CFAP57: variants seen among roughly 807,000 people sequenced by gnomAD.
The protein encoded by CFAP57 is cilia- and flagella-associated protein 57.
CFAP57 carries 116 observed loss-of-function variants against 146.8 expected under a neutral mutation model. The observed-to-expected ratio is 0.79, with a 90% confidence interval of 0.68 to 0.92. CFAP57 has a LOEUF of 0.92. Ranked by LOEUF, CFAP57 falls within the 40% of genes least tolerant of loss-of-function variation. The pLI, the probability that CFAP57 is intolerant of heterozygous loss-of-function variation, is 0.00. For synonymous variants in CFAP57, 518 were observed against 552.8 expected (o/e 0.94, Z 0.88); for missense variants, 1,377 against 1,527.2 (o/e 0.90, Z 1.64).
intron 18 of CFAP57, among the ~76,000 whole-genome samples, chr1:43,231,182 A>G (rs544708957): frequency 7.8e-4 from 119 of 152,302 alleles, no homozygotes; most frequent in Non-Finnish European, 1.3e-3. Flanking sequence ...TGTCTATACA[A>G]AATGCTTCCA....
intron 22 of CFAP57, among the ~76,000 whole-genome samples, chr1:43,247,297 C>CT (rs1366346984): frequency 6.6e-6 from 1 of 152,210 alleles, no homozygotes; most frequent in Non-Finnish European, 1.5e-5. Context: ...ACCCTGGAGA[C>CT]TACCATGTTA....
chr1:43,206,332 G>C, intron 9 of CFAP57: 1 of 200,470 alleles, frequency 5.0e-6, no homozygotes, highest in South Asian at 9.2e-5. Flanking sequence ...AGAAGGTCAA[G>C]TTGAGGTTCT....
intron 11 of CFAP57, among the ~76,000 whole-genome samples, chr1:43,213,729 C>CT (rs1252214744): frequency 6.6e-6 from 1 of 152,018 alleles, no homozygotes; most frequent in African/African-American, 2.4e-5. Flanking sequence ...TATTTGTTGT[C>CT]TTTTTGATAA....
intron 2 of CFAP57, among the ~76,000 whole-genome samples, chr1:43,174,539 C>T (rs1350139156): frequency 7.9e-5 from 12 of 152,160 alleles, no homozygotes; most frequent in Non-Finnish European, 1.5e-5. Context: ...GACATCTGGC[C>T]AGGTGTGGTG....
chr1:43,207,025 G>A (rs1178160367), intron 10 of CFAP57, 93 bp downstream of exon 10: 11 of 1,301,884 alleles, frequency 8.4e-6, no homozygotes, highest in Non-Finnish European at 1.2e-5. Context: ...CGGAATGAGG[G>A]CCTCTGCATA....
intron 1 of CFAP57, 116 bp downstream of exon 1, chr1:43,172,569 GGGGAAAGGGGA>G: frequency 1.3e-6 from 1 of 755,874 alleles, no homozygotes; most frequent in Non-Finnish European, 2.1e-6. Flanking sequence ...CCCCGGGGGA[GGGGAAAGGGGA>G]GGGACAAGGG....
In CFAP57 at chr1:43,172,726, C is replaced by T. The variant is rs771924931; in HGVS notation, c.-19-9C>T. On this transcript the variant is annotated splice_polypyrimidine_tract_variant and intron_variant, in intron 1 of 22. Transcript: ENST00000372492. ...CTCCACTCTGAAGCGCTGCCTTGGT[C>T]TTCAGCAGAACTGTTTGGCGGGAGA... 2 of 1,613,510 alleles carry T rather than the reference C, an allele frequency of 1.2e-6. No individual in the cohort carries two copies. The highest frequency in any genetic ancestry group is 1.1e-5 in the South Asian group (1 of 91,030).
At chr1:43,243,447 GT>G in intron 22 of CFAP57, 88 bp downstream of exon 22, 1 of 1,383,800 alleles carries the variant, frequency 7.2e-7, no homozygotes, top group South Asian at 1.6e-5. Flanking sequence ...GCTTCCTTCT[GT>G]ATCAGGTCCC....
At chr1:43,177,499 G>C (rs778576352) in intron 2 of CFAP57, among the ~76,000 whole-genome samples, 1 of 152,156 alleles carries the variant, frequency 6.6e-6, no homozygotes, top group Non-Finnish European at 1.5e-5. Context: ...CTGGATTTAA[G>C]GGAGGGAAGT....
At chr1:43,197,858 G>A (rs777875638) in intron 7 of CFAP57, among the ~76,000 whole-genome samples, 166 bp downstream of exon 7, 3 of 152,162 alleles carry the variant, frequency 2.0e-5, no homozygotes, top group Non-Finnish European at 2.9e-5. Context: ...TCACTCTTGC[G>A]TGGGCTAGAA....
intron 9 of CFAP57, among the ~76,000 whole-genome samples, chr1:43,202,435 C>T (rs1217705042): frequency 6.6e-6 from 1 of 152,006 alleles, no homozygotes; most frequent in East Asian, 1.9e-4. Context: ...ATACCAACAA[C>T]CAATATGAGG....
chr1:43,211,991 A>C (rs751166318), intron 11 of CFAP57, among the ~76,000 whole-genome samples: 4 of 152,240 alleles, frequency 2.6e-5, no homozygotes, highest in Non-Finnish European at 5.9e-5. Flanking sequence ...TGATTGTGAG[A>C]AGACATTTTT....
At position 43,227,033 on chromosome 1, in the gene CFAP57, C is replaced by T. The variant is rs771646560; in HGVS notation, c.2916C>T (p.Phe972=). ...AGAAAAATCAAGAACTAGGGAAATT[C>T]AAGTTTGTGCTTGACTACAAAATAA... ...LKKKNQELGK[F]KFVLDYKIKE... The change falls in exon 18 of 23, where the codon TTC becomes TTT. Residue 972 remains phenylalanine, a synonymous_variant. Coordinates refer to ENST00000372492, the MANE Select transcript of CFAP57 (RefSeq NM_001378189.1). The T allele has an allele frequency of 4.1e-5, 63 of 1,536,244 alleles. No individual in the cohort carries two copies. The highest frequency in any genetic ancestry group is 5.0e-5 in the Non-Finnish European group (57 of 1,141,680).
At position 43,185,328 on chromosome 1, in the gene CFAP57, A is replaced by G; in HGVS notation, c.941A>G (p.Asp314Gly). 6.2e-7 allele frequency: 1 copy of G among 1,613,990 alleles called. No individual in the cohort carries two copies. Among genetic ancestry groups the G allele is most frequent in the South Asian group, 1.1e-5 (1 of 91,068 alleles). ...VLLFEKMEEK[D>G]FYRESREIRI... ...CTGTTTGAGAAGATGGAAGAAAAGG[A>G]TTTTTACCGTGAGAGCAGAGAAATC... is the stretch of plus-strand genomic sequence containing the variant. Residue 314 changes from aspartate (D) to glycine (G), a missense_variant, in exon 5 of 23, where the codon GAT (aspartate) becomes GGT (glycine). By Grantham distance (94) the Asp-to-Gly change is moderately conservative. Transcript: ENST00000372492.
At chr1:43,204,412 T>G (rs1225308427) in intron 9 of CFAP57, among the ~76,000 whole-genome samples, 1 of 152,150 alleles carries the variant, frequency 6.6e-6, no homozygotes, top group Non-Finnish European at 1.5e-5. Context: ...GTTTGTTTGT[T>G]TGTTTGTTTA....
chr1:43,223,319 G>GATGGAA lies in CFAP57; in HGVS notation c.2706+337_2706+342dup, dbSNP rs369325900. Reference sequence around the variant, plus strand: ...TTAATGTTTTCTGAGATAACCCTCCGATGGAAATGGAAATGGAAATAAGGT... The same window carrying GATGGAA: ...TTAATGTTTTCTGAGATAACCCTCCGATGGAAATGGAAATGGAAATGGAAATAAGGT... On this transcript the variant is annotated intron_variant, in intron 16 of 22. Coordinates refer to ENST00000372492, the MANE Select transcript of CFAP57 (RefSeq NM_001378189.1). 4.7e-3 allele frequency among the ~76,000 whole-genome samples: 715 copies of GATGGAA among 152,226 alleles called. 6 individuals carry two copies. The highest frequency in any genetic ancestry group is 0.016 in the African/African-American group (657 of 41,534).
In CFAP57 at chr1:43,219,402, A is replaced by G; in HGVS notation, c.2112A>G (p.Leu704=). Residue 704 remains leucine, a synonymous_variant, in exon 13 of 23, where the codon CTA becomes CTG. Coordinates refer to ENST00000372492, the MANE Select transcript of CFAP57 (RefSeq NM_001378189.1). The stretch of plus-strand genomic sequence containing the variant: ...CAAAGGCTCAGGTTATGTTGGAGCT[A>G]AAGACTCGTGTGGAGGAATTAAAAA... ...MEEKAQVMLE[L]KTRVEELKME... 6.4e-7 allele frequency: 1 copy of G among 1,550,612 alleles called. No individual in the cohort carries two copies.
At chr1:43,208,111 C>T (rs1159392408) in intron 10 of CFAP57, among the ~76,000 whole-genome samples, 1 of 152,186 alleles carries the variant, frequency 6.6e-6, no homozygotes, top group Non-Finnish European at 1.5e-5. Flanking sequence ...TACCATCTCA[C>T]ACCAGTTAGA....
At position 43,253,336 on chromosome 1, in the gene CFAP57, G is replaced by A. The variant is rs527496005; in HGVS notation, c.3539-641G>A. Among the ~76,000 whole-genome samples the A allele has an allele frequency of 3.3e-5, 5 of 152,344 alleles. No homozygotes were observed. The South Asian group carries it at 8.3e-4, about 25-fold the overall frequency. On this transcript the variant is annotated intron_variant, in intron 22 of 22. Transcript: ENST00000372492. ...TGTGGTCAGAGAACAGTGCTAGAGTGAAAGACCTAAAGCATGGCATCAGGG... is the reference window on the plus strand; with the variant it reads ...TGTGGTCAGAGAACAGTGCTAGAGTAAAAGACCTAAAGCATGGCATCAGGG...
Sources: gnomAD v4.1 joint callset for allele counts (sites outside exome capture counted in the v4.1 genomes callset) on GRCh38, gnomAD v4.1.1 for gene constraint, MANE v1.5 for transcripts, NCBI Gene and HGNC (gene_info 2026-07-23, HGNC 2026-07-21) for gene names.